Variants in GALK2 observed in about 807,000 individuals in gnomAD.
GALK2 encodes the protein galactokinase 2, also known as N-acetylgalactosamine kinase.
Under a neutral mutation model 52.4 loss-of-function variants are expected in GALK2, and 36 were observed. The ratio of observed to expected loss-of-function variants is 0.69; its 90% CI spans 0.53 to 0.91. The LOEUF (loss-of-function observed/expected upper bound fraction) is 0.91. Among genes scored for constraint, GALK2 ranks in the 40% least tolerant of loss-of-function variants. GALK2 has a pLI of 0.00. For missense variants in GALK2, 579 were observed against 559.1 expected (o/e 1.04, Z -0.36); for synonymous variants, 176 against 199.1 (o/e 0.88, Z 0.98).
chr15:49,366,732 G>C (rs2045271931), intron 3 of GALK2: 4 of 967,530 alleles, frequency 4.1e-6, no homozygotes, highest in Middle Eastern at 3.0e-4. Context: ...CTCACTAGGT[G>C]GGGTAGGCTG....
rs1382953237 is a variant in GALK2 at position 49,328,831 on chromosome 15, A to ATATT, written c.*674_*677dup. 5 of 1,407,728 alleles carry ATATT rather than the reference A, an allele frequency of 3.6e-6. No homozygotes were observed. The African/African-American group carries it at 5.8e-5, about 16-fold the overall frequency. The allele number at this position is 1,407,728 out of a possible 1,614,324, so 87.2% of individuals were successfully genotyped here. A position where few individuals can be genotyped will look rare whatever the true frequency, so the allele number is the denominator to read the frequency against. On this transcript the variant is annotated 3_prime_UTR_variant, in exon 10 of 10. Transcript: ENST00000560031. Reference sequence around the variant, plus strand: ...AGGAAGAAAATTCAGACTCATTTGAATATTTGTAAACCATGTAATATATAA... The same window carrying ATATT: ...AGGAAGAAAATTCAGACTCATTTGAATATTTATTTGTAAACCATGTAATATATAA...
At chr15:49,337,176 T>C (rs2039860147) in intron 3 of GALK2, among the ~76,000 whole-genome samples, 1 of 152,214 alleles carries the variant, frequency 6.6e-6, no homozygotes, top group African/African-American at 2.4e-5. Flanking sequence ...GTCTTTTTGG[T>C]GGAATAATTT....
At chr15:49,277,171 T>A (rs1326514297) in intron 5 of GALK2, among the ~76,000 whole-genome samples, 8 of 21,004 alleles carry the variant, frequency 3.8e-4, no homozygotes, top group African/African-American at 7.2e-4. Context: ...TTTTTTTTTT[T>A]TTTTTTTTTT....
intron 1 of GALK2, among the ~76,000 whole-genome samples, chr15:49,173,474 T>G (rs2085237593): frequency 6.6e-6 from 1 of 152,158 alleles, no homozygotes; most frequent in African/African-American, 2.4e-5. Context: ...GTATATTCAG[T>G]AAAGCCTGAA....
Position 49,328,402 on chromosome 15 carries a change from TA to T in GALK2, c.*245del. ...CATGCTTGGACAGATCTTTTAAGAA[TA>T]ACTTACTGAGATTTATTGATTTGAA... On this transcript the variant is annotated 3_prime_UTR_variant, in exon 10 of 10. Transcript: ENST00000560031. The T allele has an allele frequency of 1.4e-6, 2 of 1,430,574 alleles. No homozygotes were observed. Among genetic ancestry groups the T allele is most frequent in the Non-Finnish European group, 9.1e-7 (1 of 1,095,408 alleles). 88.6% of individuals were successfully genotyped at this position (1,430,574 alleles called of 1,614,324 possible).
rs551771253 is a variant in GALK2 at position 49,223,673 on chromosome 15, G to A, written c.266+6360G>A. Among the ~76,000 whole-genome samples, 6 of 152,222 alleles carry A rather than the reference G, an allele frequency of 3.9e-5. No homozygotes were observed. In the East Asian group the frequency reaches 1.2e-3, roughly 29 times the overall value. On this transcript the variant is annotated intron_variant, in intron 3 of 9. Coordinates refer to ENST00000560031, the MANE Select transcript of GALK2 (RefSeq NM_002044.4). ...TTTTCTTCCTGTGTTAATTTGCTTA[G>A]GACTATAGCCTCCAGCTGCATCCAT...
chr15:49,214,635 C>T (rs760243152), intron 2 of GALK2, among the ~76,000 whole-genome samples: 3 of 151,888 alleles, frequency 2.0e-5, no homozygotes, highest in African/African-American at 7.3e-5. Context: ...CCACCATGCC[C>T]GGCTGCTTTG....
At chr15:49,220,754 T>A (rs139505178) in intron 3 of GALK2, among the ~76,000 whole-genome samples, 1 of 152,264 alleles carries the variant, frequency 6.6e-6, no homozygotes, top group East Asian at 1.9e-4. Flanking sequence ...TTTTCTTTAG[T>A]CTTATTAGTA....
chr15:49,332,376 A>G (rs2038954729), downstream of GALK2, among the ~76,000 whole-genome samples: 1 of 152,208 alleles, frequency 6.6e-6, no homozygotes, highest in Non-Finnish European at 1.5e-5. Context: ...GAGATGGAAA[A>G]GGCCAGTGGG....
intron 2 of GALK2, among the ~76,000 whole-genome samples, chr15:49,210,715 A>G (rs1479300793): frequency 6.6e-6 from 1 of 152,052 alleles, no homozygotes; most frequent in Non-Finnish European, 1.5e-5. Context: ...TGTTAGGATT[A>G]CAGGCGTGAG....
intron 1 of GALK2, among the ~76,000 whole-genome samples, chr15:49,171,596 A>G (rs1435532706): frequency 1.3e-5 from 2 of 152,186 alleles, no homozygotes; most frequent in African/African-American, 2.4e-5. Flanking sequence ...AGAGTCCAGC[A>G]CAGCTTTGGA....
At position 49,365,353 on chromosome 15, in the gene GALK2, A is replaced by G. The variant is rs1209541736; in HGVS notation, c.427-2138A>G. On this transcript the variant is annotated intron_variant, in intron 3 of 3. Transcript: ENST00000558399. ...CAAATGTAAGTATCATGCCAATAGC[A>G]TAGGCAACTGTAGAGGAAACATAGT... is the stretch of plus-strand genomic sequence containing the variant. 4.6e-6 allele frequency: 7 copies of G among 1,506,826 alleles called. No individual in the cohort carries two copies. In the East Asian group the frequency reaches 1.6e-4, roughly 34 times the overall value. 93.3% of individuals were successfully genotyped at this position (1,506,826 alleles called of 1,614,324 possible). A position where few individuals can be genotyped will look rare whatever the true frequency, so the allele number is the denominator to read the frequency against.
chr15:49,346,022 C>G (rs1391812116), intron 3 of GALK2, among the ~76,000 whole-genome samples: 10 of 151,466 alleles, frequency 6.6e-5, no homozygotes, highest in Admixed American at 6.6e-4. Flanking sequence ...TCTGCCTGCC[C>G]TGCTTGCTTT....
At chr15:49,262,425 C>T (rs2141634407) in intron 5 of GALK2, among the ~76,000 whole-genome samples, 1 of 152,210 alleles carries the variant, frequency 6.6e-6, no homozygotes, top group Middle Eastern at 3.4e-3. Flanking sequence ...TCCCCTTTAT[C>T]ATTTTTTATT....
intron 1 of GALK2, among the ~76,000 whole-genome samples, chr15:49,184,821 G>C (rs1003595995): frequency 1.1e-4 from 16 of 152,028 alleles, no homozygotes; most frequent in Non-Finnish European, 2.2e-4. Context: ...TCTATGTCTT[G>C]AGAAGTTATT....
chr15:49,365,314 C>T, intron 3 of GALK2: 2 of 1,565,018 alleles, frequency 1.3e-6, no homozygotes, highest in Admixed American at 1.7e-5. Context: ...CCTTTTTCAT[C>T]AGCACCAGAA....
chr15:49,321,932 A>G (rs2036905582), intron 9 of GALK2, among the ~76,000 whole-genome samples: 1 of 152,198 alleles, frequency 6.6e-6, no homozygotes, highest in South Asian at 2.1e-4. Flanking sequence ...TAATGTGTAG[A>G]GTAGGATGAA....
chr15:49,363,792 A>G (rs2044658011), intron 3 of GALK2, among the ~76,000 whole-genome samples: 1 of 152,072 alleles, frequency 6.6e-6, no homozygotes, highest in African/African-American at 2.4e-5. Flanking sequence ...TGTTCCTTCA[A>G]TGTCTAGTTT....
At chr15:49,173,278 C>G (rs921675665) in intron 1 of GALK2, among the ~76,000 whole-genome samples, 1 of 152,112 alleles carries the variant, frequency 6.6e-6, no homozygotes, top group African/African-American at 2.4e-5. Flanking sequence ...AAATAATATT[C>G]TAGCTTATGG....
Sources: gnomAD v4.1 joint callset for allele counts (sites outside exome capture counted in the v4.1 genomes callset) on GRCh38, gnomAD v4.1.1 for gene constraint, MANE v1.5 for transcripts, NCBI Gene and HGNC (gene_info 2026-07-23, HGNC 2026-07-21) for gene names.